DBH: variants seen among roughly 807,000 people sequenced by gnomAD.
DBH encodes the protein dopamine beta-hydroxylase.
Under a neutral mutation model 64.0 loss-of-function variants are expected in DBH, and 49 were observed. The ratio of observed to expected loss-of-function variants is 0.77; its 90% CI spans 0.61 to 0.97. The LOEUF (loss-of-function observed/expected upper bound fraction) is 0.97, where lower values mean the gene tolerates loss of function less well. DBH is among the 50% of genes least tolerant of loss of function. The pLI is 0.00. For synonymous variants in DBH, 343 were observed against 347.1 expected, an observed-to-expected ratio of 0.99 and a Z score of 0.13; for missense variants, 828 against 826.6, an observed-to-expected ratio of 1.00 and a Z score of -0.02.
rs1377312577 is a variant in DBH, at chr9:133,643,616, T to C, written c.921+27T>C. On this transcript the variant is annotated intron_variant, in intron 4 of 11. Transcript: ENST00000393056. This position sits in a 1 kb window ranked among gnomAD's most constrained non-coding sequence, Gnocchi z 5.3. ...TGCGTGCCCTGCGACCCCAGCATGG[T>C]GTCTCCTGCCTGGGCCCCTGGCATC... The C allele has an allele frequency of 1.2e-6, 2 of 1,612,008 alleles. No homozygotes were observed. Among genetic ancestry groups the C allele is most frequent in the Admixed American group, 3.3e-5 (2 of 59,980 alleles).
In DBH at chr9:133,658,565, CAGACCACGCCCCTGCCTG is replaced by C. The variant is rs891701708; in HGVS notation, c.*127_*144del. 11 of 1,179,882 alleles carry C rather than the reference CAGACCACGCCCCTGCCTG, an allele frequency of 9.3e-6. 1 individual carries two copies. In the African/African-American group the frequency reaches 1.1e-4, roughly 12 times the overall value. 73.1% of individuals were successfully genotyped at this position (1,179,882 alleles called of 1,614,324 possible). ...CCCTGCACGCCCAGGATGAAGGGGCCAGACCACGCCCCTGCCTGAGACCACGGTCCAATCCAGCCTTCT... is the reference window on the plus strand; with the variant it reads ...CCCTGCACGCCCAGGATGAAGGGGCCAGACCACGGTCCAATCCAGCCTTCT... On this transcript the variant is annotated 3_prime_UTR_variant, in exon 12 of 12. Transcript: ENST00000393056.
At chr9:133,657,398 CAGAGAGAGAGGAGAGAGGAGAGAGA>C (rs1832338592) in intron 11 of DBH, 169 bp downstream of exon 11, 8 of 517,940 alleles carry the variant, frequency 1.5e-5, no homozygotes, top group East Asian at 5.0e-5. Flanking sequence ...AGCCAGCCAG[CAGAGAGAGAGGAGAGAGGAGAGAGA>C]GGAGAGAGAG....
chr9:133,658,235 GGTGGCTGGGAA>G lies in DBH; in HGVS notation c.1723-71_1723-61del, dbSNP rs542278737. The stretch of plus-strand genomic sequence containing the variant: ...TGAGTTTGAGGGCAAGAATCCAAGA[GGTGGCTGGGAA>G]GTGGCTGGGGAAGCAGCCACCCATC... On this transcript the variant is annotated intron_variant, in intron 11 of 11. Transcript: ENST00000393056. 331 of 1,570,986 alleles carry G rather than the reference GGTGGCTGGGAA, an allele frequency of 2.1e-4. 6 individuals carry two copies. The highest frequency in any genetic ancestry group is 2.1e-3 in the South Asian group (184 of 89,292).
intron 9 of DBH, chr9:133,655,257 C>T (rs1022533935): frequency 2.6e-5 from 4 of 152,288 alleles, no homozygotes; most frequent in African/African-American, 7.2e-5. Context: ...GACAAGCCCT[C>T]GCCTGCTGAT....
chr9:133,652,193 C>T (rs1832258251), intron 7 of DBH, 53 bp from the exon 8 acceptor site: 2 of 1,608,696 alleles, frequency 1.2e-6, no homozygotes, highest in Non-Finnish European at 1.7e-6. Context: ...GGGGTCTGGT[C>T]TGCAGCTCTC....
intron 2 of DBH, among the ~76,000 whole-genome samples, chr9:133,640,522 T>C (rs2873804): frequency 0.52 from 79,627 of 152,116 alleles, 21,889 homozygotes; most frequent in African/African-American, 0.65. Flanking sequence ...TAAAACATTG[T>C]AAAAGCCATA....
In DBH at chr9:133,658,834, A is replaced by AT. The variant is rs1219529165; in HGVS notation, c.*387_*388insT. 1 of 160,592 alleles carries AT rather than the reference A, an allele frequency of 6.2e-6. No homozygotes were observed. Among genetic ancestry groups the AT allele is most frequent in the Non-Finnish European group, 1.3e-5 (1 of 74,184 alleles). The allele number at this position is 160,592 out of a possible 1,614,324, so 9.9% of individuals were successfully genotyped here. A position where few individuals can be genotyped will look rare whatever the true frequency, so the allele number is the denominator to read the frequency against. On this transcript the variant is annotated 3_prime_UTR_variant, in exon 12 of 12. Transcript: ENST00000393056. ...TGGGCCGGGGTGTGGAATCACCGGG[A>AT]ACGCCCCCGCCCCCGCCCCGCTGCT...
intron 6 of DBH, among the ~76,000 whole-genome samples, chr9:133,649,382 C>T (rs1832218923): frequency 6.6e-6 from 1 of 152,228 alleles, no homozygotes; most frequent in South Asian, 2.1e-4. Context: ...GAGACTGAGG[C>T]TTGCTGGGAT....
At chr9:133,648,681 T>TGG (rs1341254985) in intron 6 of DBH, among the ~76,000 whole-genome samples, 1 of 152,202 alleles carries the variant, frequency 6.6e-6, no homozygotes, top group African/African-American at 2.4e-5. Flanking sequence ...GCACGCTGGG[T>TGG]GGAGGCACAG....
intron 1 of DBH, 103 bp from the exon 2 acceptor site, chr9:133,639,743 A>T (rs1564208027): frequency 1.5e-6 from 2 of 1,292,068 alleles, no homozygotes; most frequent in Non-Finnish European, 2.2e-6. Context: ...TCCCCAGATC[A>T]GCTGGCAATG....
intron 1 of DBH, 85 bp downstream of exon 1, chr9:133,636,795 A>C: frequency 3.2e-6 from 4 of 1,266,038 alleles, no homozygotes; most frequent in South Asian, 1.3e-5. Flanking sequence ...ACCCTCCTTA[A>C]CCCAGAAAGT....
chr9:133,658,690 C>T lies in DBH; in HGVS notation c.*243C>T, dbSNP rs1207593289. The stretch of plus-strand genomic sequence containing the variant: ...GGACCGAGTGGACCACGACCTCGTC[C>T]ATTTAAACCCGGCTGACTCAGTGCA... On this transcript the variant is annotated 3_prime_UTR_variant, in exon 12 of 12. Coordinates refer to ENST00000393056, the MANE Select transcript of DBH (RefSeq NM_000787.4). 4 of 412,464 alleles carry T rather than the reference C, an allele frequency of 9.7e-6. No homozygotes were observed. Among genetic ancestry groups the T allele is most frequent in the African/African-American group, 2.0e-5 (1 of 49,252 alleles). The allele number at this position is 412,464 out of a possible 1,614,324, so 25.6% of individuals were successfully genotyped here.
At chr9:133,647,785 CA>C in intron 5 of DBH, 60 bp from the exon 6 acceptor site, 3 of 1,602,470 alleles carry the variant, frequency 1.9e-6, no homozygotes, top group Admixed American at 1.7e-5. Context: ...AATCTGTCCG[CA>C]GGGGGAAGTG....
At chr9:133,640,758 A>G (rs546095401) in intron 2 of DBH, among the ~76,000 whole-genome samples, 1 of 152,352 alleles carries the variant, frequency 6.6e-6, no homozygotes, top group Non-Finnish European at 1.5e-5. Flanking sequence ...GATTGATTGC[A>G]TTTCCGGAGA....
intron 5 of DBH, 45 bp downstream of exon 5, chr9:133,644,365 G>C: frequency 6.7e-7 from 1 of 1,497,938 alleles, no homozygotes; most frequent in Non-Finnish European, 9.3e-7. Context: ...CTAGGACTCA[G>C]CTGTGTTGAG....
rs183932049 is a variant in DBH at position 133,644,991 on chromosome 9, G to A, written c.1024+671G>A. Among the ~76,000 whole-genome samples, 188 of 152,082 alleles carry A rather than the reference G, an allele frequency of 1.2e-3. 1 individual carries two copies. The highest frequency in any genetic ancestry group is 4.2e-3 in the African/African-American group (174 of 41,462). On this transcript the variant is annotated intron_variant, in intron 5 of 11. Coordinates refer to ENST00000393056, the MANE Select transcript of DBH (RefSeq NM_000787.4). The stretch of plus-strand genomic sequence containing the variant: ...CATGCACACATGTACACATATGCAC[G>A]CAGAAGCACACACATGCACACACTT...
chr9:133,644,945 GCACA>G (rs1158863898), intron 5 of DBH, among the ~76,000 whole-genome samples: 5 of 116,194 alleles, frequency 4.3e-5, no homozygotes, highest in South Asian at 2.3e-4. Flanking sequence ...CGCACACAAT[GCACA>G]CACACACGCA....
In DBH at chr9:133,651,646, T is replaced by G. The variant is rs144887174; in HGVS notation, c.1204T>G (p.Ser402Ala). The G allele has an allele frequency of 4.4e-5, 71 of 1,613,618 alleles. No homozygotes were observed. In the African/African-American group the frequency reaches 9.5e-4, roughly 22 times the overall value. ...CCCGACCCCACAGGCACTGCCTCCC[T>G]CCGGGATCCACATCTTCGCCTCTCA... Reference protein sequence around the residue: ...DKCTQLALPPSGIHIFASQLH... With the variant: ...DKCTQLALPPAGIHIFASQLH... Residue 402 changes from serine (S) to alanine (A), a missense_variant, in exon 7 of 12, where the codon TCC becomes GCC. By Grantham distance (99) the Ser-to-Ala change is moderately conservative (BLOSUM62 1). Coordinates refer to ENST00000393056, the MANE Select transcript of DBH (RefSeq NM_000787.4).
chr9:133,658,469 T>A lies in DBH; in HGVS notation c.*22T>A, dbSNP rs761788921. ...CTGAGGGGGGACCTACTCCTCCCCCTCCTCCATGCTGTCCCTGTGGGCTCA... is the reference window on the plus strand; with the variant it reads ...CTGAGGGGGGACCTACTCCTCCCCCACCTCCATGCTGTCCCTGTGGGCTCA... On this transcript the variant is annotated 3_prime_UTR_variant, in exon 12 of 12. Coordinates refer to ENST00000393056, the MANE Select transcript of DBH (RefSeq NM_000787.4). The A allele has an allele frequency of 6.3e-7, 1 of 1,591,146 alleles. No individual in the cohort carries two copies. The highest frequency in any genetic ancestry group is 1.8e-4 in the Middle Eastern group (1 of 5,610).
Sources: gnomAD v4.1 joint callset for allele counts (sites outside exome capture counted in the v4.1 genomes callset) on GRCh38, gnomAD v4.1.1 for gene constraint, Gnocchi (gnomAD v3.1) non-coding constraint, MANE v1.5 for transcripts, NCBI Gene and HGNC (gene_info 2026-07-23, HGNC 2026-07-21) for gene names.